The following TSPAN5 variants were observed in gnomAD, a reference collection of about 807,000 sequenced individuals.
The protein encoded by TSPAN5 is tetraspanin 5, also known as tetraspanin-5.
A neutral mutation model predicts 37.1 loss-of-function variants in TSPAN5; 10 were observed. The observed-to-expected ratio is 0.27, with a 90% CI of 0.17 to 0.46. TSPAN5 has a LOEUF of 0.46. TSPAN5 is among the 20% of genes least tolerant of loss of function. TSPAN5 has a pLI of 1.00. For missense variants in TSPAN5, 195 were observed against 326.6 expected, an observed-to-expected ratio of 0.60 and a Z score of 3.11; for synonymous variants, 110 against 118.9, an observed-to-expected ratio of 0.93 and a Z score of 0.48.
intron 1 of TSPAN5, among the ~76,000 whole-genome samples, chr4:98,516,376 T>G (rs989489597): frequency 2.6e-5 from 4 of 152,194 alleles, no homozygotes; most frequent in Admixed American, 2.6e-4. Context: ...GACTGGGGGA[T>G]ATTATGTAGA....
intron 1 of TSPAN5, among the ~76,000 whole-genome samples, chr4:98,641,535 T>C (rs924417435): frequency 6.6e-6 from 1 of 152,186 alleles, no homozygotes; most frequent in African/African-American, 2.4e-5. Context: ...ATAACCTGAA[T>C]AGTTACTTAA....
At position 98,475,057 on chromosome 4, in the gene TSPAN5, T is replaced by C. The variant is rs142801352; in HGVS notation, c.741+1132A>G. On this transcript the variant is annotated intron_variant, in intron 7 of 7. Transcript: ENST00000305798. ...CTTACTCAAGTACACACTATGTTGATTACTATATAGCTTTGTACTAAGTTT... is the reference window on the plus strand; with the variant it reads ...CTTACTCAAGTACACACTATGTTGACTACTATATAGCTTTGTACTAAGTTT... 3.5e-3 allele frequency among the ~76,000 whole-genome samples: 526 copies of C among 152,350 alleles called. 1 individual carries two copies. Among genetic ancestry groups the C allele is most frequent in the African/African-American group, 0.012 (492 of 41,580 alleles).
intron 1 of TSPAN5, among the ~76,000 whole-genome samples, chr4:98,530,730 T>TACACAC (rs60087929): frequency 0.067 from 10,072 of 150,326 alleles, 399 homozygotes; most frequent in African/African-American, 0.096. Flanking sequence ...ACACATATTA[T>TACACAC]ACACACACAC....
In TSPAN5 at chr4:98,609,711, G is replaced by A. The variant is rs149811946; in HGVS notation, c.81+48435C>T. On this transcript the variant is annotated intron_variant, in intron 1 of 7. Coordinates refer to ENST00000305798, the MANE Select transcript of TSPAN5 (RefSeq NM_005723.4). ...CATCAGCACCACCTCTCAGTTCAGGGGTAATGTCCCAAACTCCTCTTCCCT... is the reference window on the plus strand; with the variant it reads ...CATCAGCACCACCTCTCAGTTCAGGAGTAATGTCCCAAACTCCTCTTCCCT... 1.8e-3 allele frequency among the ~76,000 whole-genome samples: 269 copies of A among 152,254 alleles called. 1 individual carries two copies. The highest frequency in any genetic ancestry group is 6.8e-3 in the Middle Eastern group (2 of 294).
chr4:98,576,782 C>G (rs1187581197), intron 1 of TSPAN5, among the ~76,000 whole-genome samples: 3 of 152,146 alleles, frequency 2.0e-5, no homozygotes, highest in African/African-American at 7.2e-5. Flanking sequence ...TGTGTTGAGA[C>G]AGTGTCTTGC....
intron 3 of TSPAN5, chr4:98,484,344 G>A (rs1408497067): frequency 1.4e-5 from 6 of 426,572 alleles, no homozygotes. Context: ...AGGGGAATCA[G>A]ATCTTTAGAG....
At chr4:98,611,674 T>C (rs1756194919) in intron 1 of TSPAN5, among the ~76,000 whole-genome samples, 2 of 152,318 alleles carry the variant, frequency 1.3e-5, no homozygotes, top group East Asian at 1.9e-4. Flanking sequence ...ATAGTTTCAA[T>C]TGTGCCTTAC....
intron 1 of TSPAN5, among the ~76,000 whole-genome samples, chr4:98,607,928 C>G (rs1409222991): frequency 2.6e-5 from 4 of 152,092 alleles, no homozygotes; most frequent in Admixed American, 2.6e-4. Context: ...CCAGGCTGGT[C>G]TCAAACTCCT....
At chr4:98,610,864 T>C (rs1473343289) in intron 1 of TSPAN5, among the ~76,000 whole-genome samples, 1 of 152,108 alleles carries the variant, frequency 6.6e-6, no homozygotes, top group Non-Finnish European at 1.5e-5. Context: ...AGTACTGAAC[T>C]CCCCTAGCTC....
intron 1 of TSPAN5, among the ~76,000 whole-genome samples, chr4:98,575,794 G>T (rs1755221457): frequency 6.6e-6 from 1 of 151,440 alleles, no homozygotes; most frequent in Admixed American, 6.6e-5. Context: ...AAAAGTGGCT[G>T]GGCGTGGTGG....
chr4:98,540,776 A>G (rs1754341259), intron 1 of TSPAN5, among the ~76,000 whole-genome samples: 1 of 152,232 alleles, frequency 6.6e-6, no homozygotes, highest in South Asian at 2.1e-4. Context: ...TTTGATGAGT[A>G]CTACTGACAT....
intron 1 of TSPAN5, among the ~76,000 whole-genome samples, chr4:98,508,229 A>G (rs4399995): frequency 0.2 from 29,819 of 152,100 alleles, 3,107 homozygotes; most frequent in East Asian, 0.41. Flanking sequence ...GAATCTTATC[A>G]ATGTAACCCA....
At chr4:98,581,799 G>T (rs2110195875) in intron 1 of TSPAN5, among the ~76,000 whole-genome samples, 1 of 152,252 alleles carries the variant, frequency 6.6e-6, no homozygotes, top group African/African-American at 2.4e-5. Flanking sequence ...TTTGCTTATA[G>T]ATGTAATTTT....
intron 1 of TSPAN5, among the ~76,000 whole-genome samples, chr4:98,590,554 C>T (rs1175090104): frequency 6.6e-6 from 1 of 151,874 alleles, no homozygotes; most frequent in East Asian, 1.9e-4. Context: ...ACTAAAAATA[C>T]AAAAAATTAG....
chr4:98,647,889 T>A (rs1305159800), intron 1 of TSPAN5, among the ~76,000 whole-genome samples: 1 of 151,168 alleles, frequency 6.6e-6, no homozygotes, highest in Non-Finnish European at 1.5e-5. Flanking sequence ...AGGAGTGGTG[T>A]TAGACCCAGT....
At chr4:98,559,919 C>T (rs1462899202) in intron 1 of TSPAN5, among the ~76,000 whole-genome samples, 2 of 152,114 alleles carry the variant, frequency 1.3e-5, no homozygotes, top group Admixed American at 6.5e-5. Flanking sequence ...TTGTGTTTCC[C>T]CCTCCAGAGA....
At chr4:98,486,578 A>C in intron 3 of TSPAN5, 160 bp downstream of exon 3, 1 of 705,678 alleles carries the variant, frequency 1.4e-6, no homozygotes, top group Non-Finnish European at 2.4e-6. Context: ...ACAACTGGGA[A>C]TCAGGGCTAG....
intron 2 of TSPAN5, among the ~76,000 whole-genome samples, chr4:98,492,267 A>G (rs1231868867): frequency 3.3e-5 from 5 of 152,198 alleles, no homozygotes; most frequent in African/African-American, 1.2e-4. Context: ...GAAGCATGTC[A>G]TATTTCCTAC....
intron 1 of TSPAN5, among the ~76,000 whole-genome samples, chr4:98,641,886 CTGGGGTCTT>C (rs796736829): frequency 4.9e-4 from 75 of 152,282 alleles, no homozygotes; most frequent in African/African-American, 1.6e-3. Flanking sequence ...GTTTTATAAA[CTGGGGTCTT>C]TGCTTAAAAT....
Sources: allele counts gnomAD v4.1 joint callset (sites outside exome capture counted in the v4.1 genomes callset), GRCh38; gene constraint gnomAD v4.1.1; transcripts MANE v1.5; gene names NCBI Gene and HGNC (gene_info 2026-07-23, HGNC 2026-07-21).